Variants in DMBT1 observed in about 807,000 individuals in gnomAD.
DMBT1 encodes scavenger receptor cysteine-rich domain-containing protein DMBT1.
Under a neutral mutation model 252.9 loss-of-function variants are expected in DMBT1, and 198 were observed. The observed-to-expected ratio is 0.78, with a 90% confidence interval of 0.70 to 0.88. The LOEUF (loss-of-function observed/expected upper bound fraction) is 0.88. Ranked by LOEUF, DMBT1 falls within the 40% of genes least tolerant of loss-of-function variation. The pLI is 0.00. For missense variants in DMBT1, 2,432 were observed against 2,404.7 expected, an observed-to-expected ratio of 1.01 and a Z score of -0.24; for synonymous variants, 990 against 942.7, an observed-to-expected ratio of 1.05 and a Z score of -0.92.
chr10:122,561,569 C>CCTCT (rs111541582), intron 1 of DMBT1, among the ~76,000 whole-genome samples: 37,827 of 90,124 alleles, frequency 0.42, 5,031 homozygotes, highest in Non-Finnish European at 0.47. Context: ...TGTCTCTCTG[C>CCTCT]CTCTCTCTCT....
chr10:122,621,204 G>C lies in DMBT1; in HGVS notation c.5432G>C (p.Gly1811Ala), dbSNP rs1322799487. ...NDANVVCRQLGCGWAMSAPGN... is the reference protein window; with the variant it reads ...NDANVVCRQLACGWAMSAPGN... ...GCCAATGTGGTCTGCAGGCAGCTGG[G>C]CTGTGGCTGGGCCATGTCGGCCCCA... Residue 1811 changes from glycine (G) to alanine (A), a missense_variant, in exon 44 of 56, where the codon GGC becomes GCC. By Grantham distance (60) the Gly-to-Ala change is moderately conservative. Around this residue, in one of 3 missense-constraint regions of DMBT1, gnomAD observed 1,162 missense variants for 1,169.0 expected, o/e 0.99. Transcript: ENST00000338354. 7 of 1,613,806 alleles carry C rather than the reference G, an allele frequency of 4.3e-6. No individual in the cohort carries two copies. Among genetic ancestry groups the C allele is most frequent in the Non-Finnish European group, 5.1e-6 (6 of 1,179,814 alleles).
At chr10:122,571,742 A>T (rs1405837511) in intron 4 of DMBT1, among the ~76,000 whole-genome samples, 1 of 152,202 alleles carries the variant, frequency 6.6e-6, no homozygotes, top group African/African-American at 2.4e-5. Context: ...CAACTCTGGC[A>T]TTCAGTGTTT....
intron 17 of DMBT1, among the ~76,000 whole-genome samples, chr10:122,589,975 G>T (rs1017256948): frequency 2.0e-5 from 3 of 148,536 alleles, no homozygotes; most frequent in Non-Finnish European, 4.5e-5. Context: ...GCTCTCCAGG[G>T]TTCCATCTTT....
chr10:122,618,260 C>A lies in DMBT1; in HGVS notation c.5135C>A (p.Ser1712Tyr), dbSNP rs772389879. The change falls in exon 41 of 56, where the codon TCT becomes TAT. Residue 1712 changes from serine (S) to tyrosine (Y), a missense_variant. Transcript: ENST00000338354. ...GATGTGCGCTGCTCAGGACACGAGTCTTACCTGTGGAGCTGCCCCCACAAT... is the reference window on the plus strand; with the variant it reads ...GATGTGCGCTGCTCAGGACACGAGTATTACCTGTGGAGCTGCCCCCACAAT... Reference protein sequence around the residue: ...LDDVRCSGHESYLWSCPHNGW... With the variant: ...LDDVRCSGHEYYLWSCPHNGW... The A allele has an allele frequency of 7.4e-6, 12 of 1,613,666 alleles. No homozygotes were observed. The highest frequency in any genetic ancestry group is 1.7e-5 in the Admixed American group (1 of 59,984).
chr10:122,625,239 C>G (rs749099364), intron 44 of DMBT1, 38 bp from the exon 45 acceptor site: 1 of 1,602,798 alleles, frequency 6.2e-7, no homozygotes, highest in Admixed American at 1.7e-5. Context: ...TCATCCTGGG[C>G]ACTGGGACTG....
chr10:122,580,017 G>T, intron 10 of DMBT1, 116 bp downstream of exon 10: 5 of 1,539,462 alleles, frequency 3.2e-6, no homozygotes, highest in South Asian at 1.3e-5. Context: ...TGTTTCTGAA[G>T]ACTTGTCAGC....
chr10:122,621,034 A>C (rs1428571066), intron 43 of DMBT1, 23 bp from the exon 44 acceptor site: 19 of 1,612,356 alleles, frequency 1.2e-5, no homozygotes, highest in Non-Finnish European at 1.4e-5. Context: ...GTATGGATGA[A>C]GGGTTCTTGT....
Position 122,576,503 on chromosome 10 carries a change from A to G in DMBT1, c.388A>G (p.Ser130Gly), listed in dbSNP as rs199543705. 1 of 1,613,712 alleles carries G rather than the reference A, an allele frequency of 6.2e-7. No individual in the cohort carries two copies. The highest frequency in any genetic ancestry group is 8.5e-7 in the Non-Finnish European group (1 of 1,179,876). ...RGSWGTVCDD[S>G]WDTNDANVVC... ...CTCCTGGGGCACCGTGTGTGATGAC[A>G]GCTGGGACACCAATGATGCCAACGT... The change falls in exon 7 of 56, where the codon AGC becomes GGC. Residue 130 changes from serine to glycine, a missense_variant. Transcript: ENST00000338354.
At chr10:122,600,284 C>T (rs2097934822) in intron 27 of DMBT1, among the ~76,000 whole-genome samples, 191 bp downstream of exon 27, 1 of 151,252 alleles carries the variant, frequency 6.6e-6, no homozygotes, top group Non-Finnish European at 1.5e-5. Flanking sequence ...GAGGAGGCCT[C>T]TGTCTTCTTT....
Position 122,573,746 on chromosome 10 carries a change from G to T in DMBT1, c.267G>T (p.Glu89Asp), listed in dbSNP as rs1390846092. The change falls in exon 6 of 56, where the codon GAG (glutamate) becomes GAT (aspartate). Residue 89 changes from glutamate to aspartate, a missense_variant. Transcript: ENST00000338354. Reference protein sequence around the residue: ...GSLIPSESTLESTVAEGSDSG... With the variant: ...GSLIPSESTLDSTVAEGSDSG... ...TGATTCCCTCAGAGTCAACCCTGGA[G>T]TCAACTGTAGCAGAAGGTAACGTCT... The T allele has an allele frequency of 6.2e-7, 1 of 1,613,872 alleles. No individual in the cohort carries two copies. Among genetic ancestry groups the T allele is most frequent in the Non-Finnish European group, 8.5e-7 (1 of 1,179,830 alleles).
intron 14 of DMBT1, 46 bp downstream of exon 14, chr10:122,584,397 A>G (rs572451616): frequency 3.0e-5 from 12 of 395,316 alleles, no homozygotes; most frequent in African/African-American, 1.8e-4. Context: ...CTCTTTCTGT[A>G]TAATTATCCC....
At chr10:122,634,762 G>A (rs540653206) in intron 52 of DMBT1, among the ~76,000 whole-genome samples, 1 of 152,192 alleles carries the variant, frequency 6.6e-6, no homozygotes, top group South Asian at 2.1e-4. Flanking sequence ...CTCCCAAAGT[G>A]CTGGGATTAC....
At chr10:122,599,425 G>T (rs948232131) in intron 26 of DMBT1, among the ~76,000 whole-genome samples, 1 of 152,230 alleles carries the variant, frequency 6.6e-6, no homozygotes, top group African/African-American at 2.4e-5. Flanking sequence ...ATGGATGCAG[G>T]ACAGACAGCA....
Position 122,618,262 on chromosome 10 carries a change from T to C in DMBT1, c.5137T>C (p.Tyr1713His). The change falls in exon 41 of 56, where the codon TAC (tyrosine) becomes CAC (histidine). Residue 1713 changes from tyrosine to histidine, a missense_variant. Tyr to His is a moderately conservative substitution (Grantham distance 83). This residue lies in a region of DMBT1 where 1,162 missense variants were observed against 1,169.0 expected (regional missense o/e 0.99). Coordinates refer to ENST00000338354, the MANE Select transcript of DMBT1 (RefSeq NM_001377530.1). ...DDVRCSGHES[Y>H]LWSCPHNGWL... ...TGTGCGCTGCTCAGGACACGAGTCT[T>C]ACCTGTGGAGCTGCCCCCACAATGG... The C allele has an allele frequency of 6.2e-7, 1 of 1,613,822 alleles. No individual in the cohort carries two copies. Among genetic ancestry groups the C allele is most frequent in the East Asian group, 2.2e-5 (1 of 44,870 alleles).
chr10:122,634,430 T>TTCTC (rs764559052), intron 52 of DMBT1, among the ~76,000 whole-genome samples: 835 of 74,144 alleles, frequency 0.011, 15 homozygotes, highest in Non-Finnish European at 0.016. Flanking sequence ...TCTCTCTCTC[T>TTCTC]TCTCTCTCTC....
At chr10:122,566,099 C>A (rs1263504293) in intron 2 of DMBT1, 103 bp downstream of exon 2, 6 of 1,288,066 alleles carry the variant, frequency 4.7e-6, no homozygotes, top group Admixed American at 3.6e-5. Context: ...ACAGAGCAAA[C>A]GCCTGCCTTG....
intron 5 of DMBT1, 22 bp from the exon 6 acceptor site, chr10:122,573,693 T>A (rs1326845709): frequency 1.9e-6 from 3 of 1,613,782 alleles, no homozygotes; most frequent in Admixed American, 1.7e-5. Flanking sequence ...ATCAATGAGC[T>A]CTTCCTTTCT....
At chr10:122,572,686 A>G (rs547131752) in intron 5 of DMBT1, among the ~76,000 whole-genome samples, 2 of 151,812 alleles carry the variant, frequency 1.3e-5, no homozygotes, top group South Asian at 4.2e-4. Flanking sequence ...CTGAAGTTGG[A>G]TGTGGTGGAG....
At chr10:122,570,853 C>A (rs768187943) in intron 3 of DMBT1, 37 bp from the exon 4 acceptor site, 1 of 1,606,994 alleles carries the variant, frequency 6.2e-7, no homozygotes, top group Admixed American at 1.7e-5. Context: ...CAAACAAGGG[C>A]TACCATCAAT....
Sources: gnomAD v4.1 joint callset for allele counts (sites outside exome capture counted in the v4.1 genomes callset) on GRCh38, gnomAD v4.1.1 for gene constraint, gnomAD v4.1.1 regional missense constraint, MANE v1.5 for transcripts, NCBI Gene and HGNC (gene_info 2026-07-23, HGNC 2026-07-21) for gene names.